The following AMBRA1 variants were observed in gnomAD, a reference collection of about 807,000 sequenced individuals.
The protein encoded by AMBRA1 is autophagy and beclin 1 regulator 1.
A neutral mutation model predicts 125.4 loss-of-function variants in AMBRA1; 47 were observed. The ratio of observed to expected loss-of-function variants is 0.37; its 90% CI spans 0.30 to 0.48. The LOEUF (loss-of-function observed/expected upper bound fraction) is 0.48, where lower values mean the gene tolerates loss of function less well. Among genes scored for constraint, AMBRA1 ranks in the 20% least tolerant of loss-of-function variants. The pLI is 0.99. For synonymous variants in AMBRA1, 626 were observed against 655.5 expected (o/e 0.95, Z 0.69); for missense variants, 1,331 against 1,693.4 (o/e 0.79, Z 3.76).
At chr11:46,470,240 A>G (rs572164214) in intron 11 of AMBRA1, among the ~76,000 whole-genome samples, 5 of 152,214 alleles carry the variant, frequency 3.3e-5, no homozygotes, top group African/African-American at 1.2e-4. Flanking sequence ...CAGGAGTTCA[A>G]GACCAGCCTG....
intron 11 of AMBRA1, among the ~76,000 whole-genome samples, chr11:46,479,680 G>T (rs1325126542): frequency 2.0e-5 from 3 of 152,162 alleles, no homozygotes. Context: ...CTGGGCGACA[G>T]AGCGAGATTC....
intron 14 of AMBRA1, among the ~76,000 whole-genome samples, chr11:46,432,366 C>T (rs1317917566): frequency 6.6e-6 from 1 of 152,076 alleles, no homozygotes; most frequent in Non-Finnish European, 1.5e-5. Flanking sequence ...GGTACCCTGG[C>T]AAGAAGGCAC....
chr11:46,497,112 AAAATAAAT>A (rs1216893211), intron 9 of AMBRA1, among the ~76,000 whole-genome samples: 1 of 151,904 alleles, frequency 6.6e-6, no homozygotes, highest in African/African-American at 2.4e-5. Flanking sequence ...CTCTGTCTCA[AAAATAAAT>A]AAATAAATAA....
chr11:46,463,362 C>T (rs1279966428), intron 11 of AMBRA1, among the ~76,000 whole-genome samples: 1 of 152,234 alleles, frequency 6.6e-6, no homozygotes, highest in Non-Finnish European at 1.5e-5. Flanking sequence ...AGAACACACA[C>T]AGTTTCTTCA....
intron 14 of AMBRA1, among the ~76,000 whole-genome samples, chr11:46,418,292 T>A (rs566800800): frequency 6.4e-5 from 9 of 141,540 alleles, no homozygotes; most frequent in African/African-American, 2.3e-4. Context: ...TATTTATATA[T>A]AAATATATAA....
intron 12 of AMBRA1, among the ~76,000 whole-genome samples, chr11:46,442,119 C>T (rs546469734): frequency 5.3e-4 from 80 of 151,336 alleles, no homozygotes; most frequent in Admixed American, 4.1e-3. Context: ...TACAGATGTA[C>T]GCCACCATGC....
chr11:46,408,485 ACC>A lies in AMBRA1; in HGVS notation c.3403+26_3403+27del, dbSNP rs779540334. 2.0e-6 allele frequency: 3 copies of A among 1,489,240 alleles called. No homozygotes were observed. The African/African-American group carries it at 4.2e-5, about 21-fold the overall frequency. 92.3% of individuals were successfully genotyped at this position (1,489,240 alleles called of 1,614,324 possible). A position where few individuals can be genotyped will look rare whatever the true frequency, so the allele number is the denominator to read the frequency against. ...CACTCGGTCTTAGGGTCCCTCTCCCACCCCCTCCAGCGCCACATGGCTCCTAC... is the reference window on the plus strand; with the variant it reads ...CACTCGGTCTTAGGGTCCCTCTCCCACCCTCCAGCGCCACATGGCTCCTAC... On this transcript the variant is annotated intron_variant, in intron 17 of 17. Transcript: ENST00000683756.
intron 7 of AMBRA1, among the ~76,000 whole-genome samples, chr11:46,528,650 T>G (rs2135121016): frequency 6.6e-6 from 1 of 152,280 alleles, no homozygotes; most frequent in South Asian, 2.1e-4. Flanking sequence ...AAGGAGTCAT[T>G]CAAAGGATAC....
At chr11:46,547,369 C>T (rs2042856801) in intron 3 of AMBRA1, 73 bp from the exon 4 acceptor site, 1 of 1,363,712 alleles carries the variant, frequency 7.3e-7, no homozygotes, top group Admixed American at 2.2e-5. Flanking sequence ...CTTTGGACGA[C>T]ATAGAATATT....
At chr11:46,410,729 T>C (rs558654208) in intron 15 of AMBRA1, among the ~76,000 whole-genome samples, 1 of 152,180 alleles carries the variant, frequency 6.6e-6, no homozygotes, top group Non-Finnish European at 1.5e-5. Context: ...AGATGGCAAA[T>C]GTGAGGCTGG....
intron 1 of AMBRA1, among the ~76,000 whole-genome samples, chr11:46,562,638 ATG>A (rs543624832): frequency 5.6e-4 from 86 of 152,286 alleles, no homozygotes; most frequent in African/African-American, 1.9e-3. Context: ...GTTCTACTAT[ATG>A]TGTTATGTTT....
chr11:46,572,329 T>C (rs2043796737), intron 1 of AMBRA1, among the ~76,000 whole-genome samples: 1 of 152,090 alleles, frequency 6.6e-6, no homozygotes, highest in Non-Finnish European at 1.5e-5. Flanking sequence ...CACTTGTCCA[T>C]TGTTATAAGA....
chr11:46,550,813 G>A (rs1189087433), intron 1 of AMBRA1, among the ~76,000 whole-genome samples: 1 of 151,882 alleles, frequency 6.6e-6, no homozygotes, highest in Non-Finnish European at 1.5e-5. Flanking sequence ...CAGGCCAGGC[G>A]CAGTGGCTCA....
At chr11:46,492,179 A>C (rs1950487182) in intron 11 of AMBRA1, among the ~76,000 whole-genome samples, 1 of 152,218 alleles carries the variant, frequency 6.6e-6, no homozygotes, top group Non-Finnish European at 1.5e-5. Flanking sequence ...TGAGGCTGTC[A>C]GGAGATTGTG....
chr11:46,474,204 ATCAG>A (rs1375246247), intron 11 of AMBRA1, among the ~76,000 whole-genome samples: 1 of 152,116 alleles, frequency 6.6e-6, no homozygotes, highest in Non-Finnish European at 1.5e-5. Flanking sequence ...TGGTGGTAAA[ATCAG>A]TCAGTTTGAT....
chr11:46,527,477 C>CCA (rs1952026282), intron 7 of AMBRA1, among the ~76,000 whole-genome samples: 2 of 25,924 alleles, frequency 7.7e-5, no homozygotes, highest in Non-Finnish European at 1.2e-4. Flanking sequence ...GAGACTGTCT[C>CCA]AAAAAAAAAA....
rs1952804530 is a variant in AMBRA1 at position 46,542,673 on chromosome 11, C to G, written c.1344G>C (p.Leu448=). 5 of 1,614,198 alleles carry G rather than the reference C, an allele frequency of 3.1e-6. No homozygotes were observed. The highest frequency in any genetic ancestry group is 4.2e-6 in the Non-Finnish European group (5 of 1,180,032). ...PRTSASSVSL[L]SVLRQQEGGS... is the part of the protein sequence containing the mutation. The stretch of plus-strand genomic sequence containing the variant: ...CACCTTCCTGCTGTCTCAGCACAGA[C>G]AGCAAACTCACCGAAGAGGCACTGG... The change falls in exon 7 of 18, where the codon CTG becomes CTC. Residue 448 remains leucine (L), a synonymous_variant. Coordinates refer to ENST00000683756, the MANE Select transcript of AMBRA1 (RefSeq NM_001387011.1). The surrounding 1 kb of genome is among the most constrained non-coding windows in gnomAD (Gnocchi z 5.9).
chr11:46,510,637 T>G (rs1432038201), intron 8 of AMBRA1, among the ~76,000 whole-genome samples: 1 of 152,226 alleles, frequency 6.6e-6, no homozygotes, highest in Non-Finnish European at 1.5e-5. Context: ...CCTTTTTATG[T>G]AGGGACATAG....
chr11:46,533,396 T>C (rs1038667884), intron 7 of AMBRA1, among the ~76,000 whole-genome samples: 11 of 152,212 alleles, frequency 7.2e-5, no homozygotes, highest in Non-Finnish European at 4.4e-5. Flanking sequence ...TCATTTCCAT[T>C]TATGATCTCT....
Sources: allele counts gnomAD v4.1 joint callset (sites outside exome capture counted in the v4.1 genomes callset), GRCh38; gene constraint gnomAD v4.1.1; non-coding constraint Gnocchi (gnomAD v3.1); transcripts MANE v1.5; gene names NCBI Gene and HGNC (gene_info 2026-07-23, HGNC 2026-07-21).